MAGED1: variants seen among roughly 807,000 people sequenced by gnomAD.
MAGED1 encodes MAGE family member D1.
MAGED1 carries 3 observed loss-of-function variants against 54.1 expected under a neutral mutation model. The ratio of observed to expected loss-of-function variants is 0.06; its 90% CI spans 0.03 to 0.14. MAGED1 has a LOEUF of 0.14. Ranked by LOEUF, MAGED1 falls within the 10% of genes least tolerant of loss-of-function variation. The pLI, the probability that MAGED1 is intolerant of heterozygous loss-of-function variation, is 1.00. For synonymous variants in MAGED1, 217 were observed against 227.3 expected, an observed-to-expected ratio of 0.95 and a Z score of 0.41; for missense variants, 485 against 623.4, an observed-to-expected ratio of 0.78 and a Z score of 2.36.
At chrX:51,827,741 A>G (rs1486921627) in intron 1 of MAGED1, among the ~76,000 whole-genome samples, 3 of 111,692 alleles carry the variant, frequency 2.7e-5, no homozygotes, top group Non-Finnish European at 5.6e-5. Context: ...GTCAACTGAA[A>G]AAAAGAAATG....
chrX:51,896,919 T>C lies in MAGED1; in HGVS notation c.1264T>C (p.Trp422Arg). The C allele has an allele frequency of 8.3e-7, 1 of 1,209,046 alleles. No homozygotes were observed. The highest frequency in any genetic ancestry group is 1.1e-6 in the Non-Finnish European group (1 of 894,329). The change falls in exon 4 of 13, where the codon TGG becomes CGG. Residue 422 changes from tryptophan (W) to arginine (R), a missense_variant. Coordinates refer to ENST00000326587, the MANE Select transcript of MAGED1 (RefSeq NM_006986.4). ...LPPDWPLPTD[W>R]PLPPDWIPAD... Reference sequence around the variant, plus strand: ...ACCTGATTGGCCACTTCCCACTGACTGGCCACTACCACCTGACTGGATCCC... The same window carrying C: ...ACCTGATTGGCCACTTCCCACTGACCGGCCACTACCACCTGACTGGATCCC...
chrX:51,871,738 TGCATGTGTCTTTATAGCA>T (rs1300815494), intron 1 of MAGED1, among the ~76,000 whole-genome samples: 1 of 111,873 alleles, frequency 8.9e-6, no homozygotes, highest in Non-Finnish European at 1.9e-5. Flanking sequence ...AACATACATG[TGCATGTGTCTTTATAGCA>T]GCATGATTTA....
intron 1 of MAGED1, among the ~76,000 whole-genome samples, chrX:51,850,857 G>T (rs1393746853): frequency 9.0e-6 from 1 of 111,067 alleles, no homozygotes; most frequent in African/African-American, 3.3e-5. Flanking sequence ...CTGAGATGGT[G>T]CCATTGCACT....
In MAGED1 at chrX:51,902,150, T is replaced by G. The variant is rs1569556102; in HGVS notation, c.*13T>G. On this transcript the variant is annotated 3_prime_UTR_variant, in exon 13 of 13. Coordinates refer to ENST00000326587, the MANE Select transcript of MAGED1 (RefSeq NM_006986.4). ...TCTTCTTTCTTATGTTCACAGATAT[T>G]GCTATCAATCGCAGTAGTCTTTCCC... The G allele has an allele frequency of 3.0e-6, 1 of 338,446 alleles. No individual in the cohort carries two copies. Among genetic ancestry groups the G allele is most frequent in the Non-Finnish European group, 5.0e-6 (1 of 200,208 alleles). The allele number at this position is 338,446 out of a possible 1,213,427, so 27.9% of individuals were successfully genotyped here. A position where few individuals can be genotyped will look rare whatever the true frequency, so the allele number is the denominator to read the frequency against.
chrX:51,806,086 G>A (rs1373330746), intron 1 of MAGED1, among the ~76,000 whole-genome samples: 1 of 98,896 alleles, frequency 1.0e-5, no homozygotes, highest in Non-Finnish European at 2.0e-5. Flanking sequence ...CGACTCTCCT[G>A]CCTCAGGCTC....
chrX:51,813,743 G>A (rs1302605755), intron 1 of MAGED1, among the ~76,000 whole-genome samples: 1 of 111,515 alleles, frequency 9.0e-6, no homozygotes, highest in Non-Finnish European at 1.9e-5. Flanking sequence ...AGCCATCATG[G>A]GGGGAAGGGA....
intron 1 of MAGED1, among the ~76,000 whole-genome samples, chrX:51,860,427 C>T (rs1458231149): frequency 9.0e-6 from 1 of 111,312 alleles, no homozygotes; most frequent in Non-Finnish European, 1.9e-5. Flanking sequence ...GGAACTTGGT[C>T]ACTGACTAGA....
intron 1 of MAGED1, among the ~76,000 whole-genome samples, chrX:51,819,547 A>G (rs782505355): frequency 9.9e-5 from 11 of 110,695 alleles, no homozygotes; most frequent in Non-Finnish European, 1.9e-4. Flanking sequence ...GCATTTCCCT[A>G]ATGACTAATG....
rs782797010 is a variant in MAGED1 at position 51,896,882 on chromosome X, CTGGCCACTGCCACCTGAT to C, written c.1236_1253del (p.Pro414_Pro419del). On this transcript the variant is annotated inframe_deletion, in exon 4 of 13. Transcript: ENST00000326587. ...CTCCTGACTGGCCGCTACCACCCGACTGGCCACTGCCACCTGATTGGCCACTTCCCACTGACTGGCCAC... is the reference window on the plus strand; with the variant it reads ...CTCCTGACTGGCCGCTACCACCCGACTGGCCACTTCCCACTGACTGGCCAC... 8.3e-7 allele frequency: 1 copy of C among 1,205,698 alleles called. No individual in the cohort carries two copies. Among genetic ancestry groups the C allele is most frequent in the Non-Finnish European group, 1.1e-6 (1 of 892,645 alleles).
Position 51,894,771 on chromosome X carries a change from C to T in MAGED1, c.46-282C>T, listed in dbSNP as rs782185908. The stretch of plus-strand genomic sequence containing the variant: ...TGCCGTCCTGAGCTGCTACTGCACG[C>T]CTCTTGGAGCGTCCCCGGCTCCTGT... On this transcript the variant is annotated intron_variant, in intron 2 of 12. Coordinates refer to ENST00000326587, the MANE Select transcript of MAGED1 (RefSeq NM_006986.4). 8.8e-6 allele frequency: 10 copies of T among 1,142,624 alleles called. No homozygotes were observed. Among genetic ancestry groups the T allele is most frequent in the African/African-American group, 1.9e-5 (1 of 53,449 alleles). 94.2% of individuals were successfully genotyped at this position (1,142,624 alleles called of 1,213,427 possible). A position where few individuals can be genotyped will look rare whatever the true frequency, so the allele number is the denominator to read the frequency against.
At chrX:51,855,974 G>C (rs1346919240) in intron 1 of MAGED1, among the ~76,000 whole-genome samples, 1 of 111,961 alleles carries the variant, frequency 8.9e-6, no homozygotes, top group Non-Finnish European at 1.9e-5. Context: ...GTCACGTTCT[G>C]AGGTACTAGG....
intron 1 of MAGED1, among the ~76,000 whole-genome samples, chrX:51,825,725 G>A (rs1168798423): frequency 9.0e-6 from 1 of 111,590 alleles, no homozygotes; most frequent in Non-Finnish European, 1.9e-5. Flanking sequence ...GAGAGTTTAT[G>A]GCCTTCTCAG....
At chrX:51,823,438 C>T (rs1419449367) in intron 1 of MAGED1, among the ~76,000 whole-genome samples, 1 of 111,889 alleles carries the variant, frequency 8.9e-6, no homozygotes, top group Admixed American at 9.5e-5. Context: ...ATTAGTATAA[C>T]CACTCCTACT....
intron 1 of MAGED1, among the ~76,000 whole-genome samples, chrX:51,845,443 T>A (rs1230148331): frequency 1.8e-5 from 2 of 112,059 alleles, no homozygotes; most frequent in African/African-American, 6.5e-5. Context: ...TGCTTGGGAC[T>A]GGTAGCTCTT....
chrX:51,834,480 G>A (rs1239773669), intron 1 of MAGED1, among the ~76,000 whole-genome samples: 2 of 112,218 alleles, frequency 1.8e-5, no homozygotes, highest in Non-Finnish European at 3.8e-5. Flanking sequence ...GGTATCATTG[G>A]TGTTGACATT....
At position 51,859,492 on chromosome X, in the gene MAGED1, A is replaced by T. The variant is rs1281999089; in HGVS notation, c.-36-34777A>T. Among the ~76,000 whole-genome samples, 3 of 112,091 alleles carry T rather than the reference A, an allele frequency of 2.7e-5. No homozygotes were observed. The East Asian group carries it at 8.4e-4, about 31-fold the overall frequency. ...ATAAACACAGATATCTTTGATGGTC[A>T]TAATGTGAATGGTATTCTGCAGAAT... On this transcript the variant is annotated intron_variant, in intron 1 of 12. Coordinates refer to the MAGED1 transcript ENST00000375772.
chrX:51,883,993 C>CA (rs1928155225), intron 1 of MAGED1, among the ~76,000 whole-genome samples: 1 of 110,911 alleles, frequency 9.0e-6, no homozygotes, highest in African/African-American at 3.3e-5. Context: ...ACAACAACAA[C>CA]AAAAAACAGA....
chrX:51,891,895 G>A (rs188976660), upstream of MAGED1, among the ~76,000 whole-genome samples: 1 of 112,265 alleles, frequency 8.9e-6, no homozygotes, highest in African/African-American at 3.2e-5. Flanking sequence ...TCCTGAGTCT[G>A]ATCACGTCTC....
intron 1 of MAGED1, among the ~76,000 whole-genome samples, chrX:51,855,877 A>T (rs1927068518): frequency 8.9e-6 from 1 of 111,745 alleles, no homozygotes; most frequent in Admixed American, 9.5e-5. Flanking sequence ...AACTCTAATG[A>T]TGTCATTTTA....
Sources: gnomAD v4.1 joint callset for allele counts (sites outside exome capture counted in the v4.1 genomes callset) on GRCh38, gnomAD v4.1.1 for gene constraint, MANE v1.5 for transcripts, NCBI Gene and HGNC (gene_info 2026-07-23, HGNC 2026-07-21) for gene names.